The following DLG1 variants were observed in gnomAD, a reference collection of about 807,000 sequenced individuals.
The protein encoded by DLG1 is discs large MAGUK scaffold protein 1.
DLG1 carries 42 observed loss-of-function variants against 123.4 expected under a neutral mutation model. The observed-to-expected ratio is 0.34, with a 90% confidence interval of 0.27 to 0.44. DLG1 has a LOEUF of 0.44. Among genes scored for constraint, DLG1 ranks in the 20% least tolerant of loss-of-function variants. DLG1 has a pLI of 1.00. For synonymous variants in DLG1, 317 were observed against 356.2 expected (o/e 0.89, Z 1.24); for missense variants, 942 against 1,082.6 (o/e 0.87, Z 1.82).
At chr3:197,165,473 C>T (rs1305408011) in intron 5 of DLG1, among the ~76,000 whole-genome samples, 1 of 152,106 alleles carries the variant, frequency 6.6e-6, no homozygotes, top group Non-Finnish European at 1.5e-5. Flanking sequence ...GTACTTAATG[C>T]CACTGAATTG....
chr3:197,169,438 T>C lies in DLG1; in HGVS notation c.484-19642A>G, dbSNP rs187224735. On this transcript the variant is annotated intron_variant, in intron 5 of 24. Transcript: ENST00000667157. The stretch of plus-strand genomic sequence containing the variant: ...GTCAAATCAAGACACATTTTGAATG[T>C]AGAGTTGGTATATCTTGGTGACTGA... Among the ~76,000 whole-genome samples the C allele has an allele frequency of 1.4e-4, 21 of 152,296 alleles. No homozygotes were observed. The East Asian group carries it at 1.5e-3, about 11-fold the overall frequency.
chr3:197,233,389 CTT>C (rs1250219610), intron 4 of DLG1, among the ~76,000 whole-genome samples: 1 of 152,068 alleles, frequency 6.6e-6, no homozygotes, highest in African/African-American at 2.4e-5. Flanking sequence ...TTTTTAAAAA[CTT>C]AAATTCTTTT....
intron 13 of DLG1, among the ~76,000 whole-genome samples, chr3:197,107,697 T>C (rs141799085): frequency 3.3e-5 from 5 of 152,290 alleles, no homozygotes; most frequent in African/African-American, 1.2e-4. Flanking sequence ...TTAACTGAAC[T>C]CATTTATTAG....
chr3:197,069,399 TAAG>T (rs1236446881), intron 18 of DLG1, 139 bp from the exon 19 acceptor site: 8 of 496,720 alleles, frequency 1.6e-5, no homozygotes, highest in Non-Finnish European at 2.4e-5. Flanking sequence ...TTGAAACGTT[TAAG>T]TTTTTCAAAT....
chr3:197,115,782 T>A (rs1324962067), intron 13 of DLG1, 145 bp downstream of exon 13: 31 of 778,068 alleles, frequency 4.0e-5, no homozygotes, highest in Non-Finnish European at 5.3e-5. Context: ...TCTCTGACAC[T>A]ACAATTCTAC....
rs1553843635 is a variant in DLG1, at chr3:197,296,961, G to GGC, written c.19+223_19+224dup. 721 of 554,802 alleles carry GGC rather than the reference G, an allele frequency of 1.3e-3. 18 individuals are homozygous for GGC. The East Asian group carries it at 0.022, about 17-fold the overall frequency. 34.4% of individuals were successfully genotyped at this position (554,802 alleles called of 1,614,324 possible). A position where few individuals can be genotyped will look rare whatever the true frequency, so the allele number is the denominator to read the frequency against. ...TTATTAAGGACATCTGTTGGGGGGGGGCTAACTGCCTCTCTTAATCACTAG... is the reference window on the plus strand; with the variant it reads ...TTATTAAGGACATCTGTTGGGGGGGGGCGCTAACTGCCTCTCTTAATCACTAG... On this transcript the variant is annotated intron_variant, in intron 2 of 24. Coordinates refer to ENST00000667157, the MANE Select transcript of DLG1 (RefSeq NM_001366207.1).
intron 5 of DLG1, among the ~76,000 whole-genome samples, chr3:197,190,653 TC>T (rs1454660441): frequency 1.3e-5 from 2 of 152,078 alleles, no homozygotes; most frequent in Non-Finnish European, 2.9e-5. Flanking sequence ...GCGTTCCAAT[TC>T]ACATCCCAAG....
chr3:197,256,172 T>C (rs2150913255), intron 4 of DLG1, among the ~76,000 whole-genome samples: 1 of 152,362 alleles, frequency 6.6e-6, no homozygotes, highest in Non-Finnish European at 1.5e-5. Context: ...CTGCACTAGA[T>C]GAGAAGTTCA....
intron 4 of DLG1, among the ~76,000 whole-genome samples, chr3:197,279,648 T>C (rs1768217080): frequency 6.6e-6 from 1 of 152,222 alleles, no homozygotes; most frequent in Non-Finnish European, 1.5e-5. Context: ...GTTCATAATA[T>C]ATCTTTCAGG....
In DLG1 at chr3:197,210,074, A is replaced by G. The variant is rs1271692241; in HGVS notation, c.319-15485T>C. On this transcript the variant is annotated intron_variant, in intron 4 of 24. Coordinates refer to ENST00000667157, the MANE Select transcript of DLG1 (RefSeq NM_001366207.1). ...CAAGTAATAAACCATAACTGTGAGT[A>G]TAATAGCTTTCAGTGAGTTCTGTGA... is the stretch of plus-strand genomic sequence containing the variant. Among the ~76,000 whole-genome samples, 2 of 146,564 alleles carry G rather than the reference A, an allele frequency of 1.4e-5. 1 individual carries two copies. Among genetic ancestry groups the G allele is most frequent in the Non-Finnish European group, 3.1e-5 (2 of 65,248 alleles).
chr3:197,252,436 C>G (rs188079896), intron 4 of DLG1, among the ~76,000 whole-genome samples: 21 of 152,252 alleles, frequency 1.4e-4, no homozygotes, highest in African/African-American at 4.8e-4. Flanking sequence ...TATACTATAA[C>G]ATGGCTGAAA....
chr3:197,093,374 G>A (rs1313599667), intron 14 of DLG1, among the ~76,000 whole-genome samples: 2 of 152,102 alleles, frequency 1.3e-5, no homozygotes, highest in Non-Finnish European at 2.9e-5. Context: ...GGCCAGGATG[G>A]TCTCAATCTC....
At chr3:197,118,364 C>G (rs148233063) in intron 12 of DLG1, among the ~76,000 whole-genome samples, 56 of 152,210 alleles carry the variant, frequency 3.7e-4, no homozygotes, top group African/African-American at 1.3e-3. Flanking sequence ...TTGGATATTC[C>G]CATCACAAAC....
intron 4 of DLG1, among the ~76,000 whole-genome samples, chr3:197,231,049 A>G (rs536884285): frequency 5.9e-5 from 9 of 152,024 alleles, no homozygotes; most frequent in African/African-American, 2.2e-4. Flanking sequence ...ATTAATGAAC[A>G]TTCACTGATA....
At chr3:197,138,453 C>T in intron 8 of DLG1, 62 bp from the exon 9 acceptor site, 1 of 945,058 alleles carries the variant, frequency 1.1e-6, no homozygotes, top group Middle Eastern at 4.1e-4. Flanking sequence ...AAATTTTCCA[C>T]TTTACCAATT....
At chr3:197,209,402 G>C (rs1404691578) in intron 4 of DLG1, among the ~76,000 whole-genome samples, 2 of 146,418 alleles carry the variant, frequency 1.4e-5, no homozygotes, top group African/African-American at 4.9e-5. Flanking sequence ...AAAACCAACA[G>C]AAACTAAAGG....
At chr3:197,253,525 A>C (rs1160675477) in intron 4 of DLG1, among the ~76,000 whole-genome samples, 1 of 152,228 alleles carries the variant, frequency 6.6e-6, no homozygotes, top group Admixed American at 6.5e-5. Flanking sequence ...TGCAACTATC[A>C]TATGACCCAT....
At chr3:197,214,460 C>G (rs1047971132) in intron 4 of DLG1, among the ~76,000 whole-genome samples, 6 of 151,888 alleles carry the variant, frequency 4.0e-5, no homozygotes, top group Admixed American at 3.9e-4. Context: ...GTAGTCCCAG[C>G]TACTCGGGAG....
At chr3:197,263,163 T>C (rs1286418092) in intron 4 of DLG1, among the ~76,000 whole-genome samples, 1 of 152,234 alleles carries the variant, frequency 6.6e-6, no homozygotes, top group Non-Finnish European at 1.5e-5. Flanking sequence ...TAAAACCCTT[T>C]ACCTGGTTGC....
Sources: allele counts gnomAD v4.1 joint callset (sites outside exome capture counted in the v4.1 genomes callset), GRCh38; gene constraint gnomAD v4.1.1; transcripts MANE v1.5; gene names NCBI Gene and HGNC (gene_info 2026-07-23, HGNC 2026-07-21).